Variants in TIAM1 observed in about 807,000 individuals in gnomAD.
TIAM1 encodes the protein TIAM Rac1 associated GEF 1, also known as rho guanine nucleotide exchange factor TIAM1.
A neutral mutation model predicts 163.5 loss-of-function variants in TIAM1; 65 were observed. The observed-to-expected ratio is 0.40, with a 90% CI of 0.33 to 0.49. The LOEUF is 0.49. Ranked by LOEUF, TIAM1 falls within the 20% of genes least tolerant of loss-of-function variation. The probability of loss-of-function intolerance (pLI) is 0.77; values close to 1 mark genes in which losing one functional copy is unlikely to be tolerated. For synonymous variants in TIAM1, 833 were observed against 810.1 expected (o/e 1.03, Z -0.48); for missense variants, 1,789 against 2,044.7 (o/e 0.87, Z 2.41).
intron 2 of TIAM1, among the ~76,000 whole-genome samples, chr21:31,446,649 A>C (rs1321317707): frequency 6.6e-6 from 1 of 152,140 alleles, no homozygotes; most frequent in African/African-American, 2.4e-5. Context: ...CCCTGACATA[A>C]CGATGGGAGA....
chr21:31,187,119 C>T, intron 13 of TIAM1, 32 bp from the exon 14 acceptor site: 2 of 1,594,754 alleles, frequency 1.3e-6, no homozygotes, highest in East Asian at 4.5e-5. Context: ...AATGGCAGGG[C>T]TCACACCTTC....
intron 1 of TIAM1, among the ~76,000 whole-genome samples, chr21:31,467,912 CCT>C (rs1569357401): frequency 6.6e-6 from 1 of 151,280 alleles, no homozygotes; most frequent in African/African-American, 2.4e-5. Flanking sequence ...ATGGTGAAAC[CCT>C]GTCTATGCTA....
intron 1 of TIAM1, among the ~76,000 whole-genome samples, chr21:31,491,282 C>T (rs192650822): frequency 6.6e-6 from 1 of 152,306 alleles, no homozygotes; most frequent in Admixed American, 6.5e-5. Flanking sequence ...ACCTTGGAAC[C>T]ACCATGTGAG....
Position 31,266,089 on chromosome 21 carries a change from T to G in TIAM1, c.884A>C (p.His295Pro). ...NYNTLPCRKS[H>P]CLSEGATNPQ... ...GTTGGTGGCACCTTCAGAGAGACAG[T>G]GAGATTTCCTACAGGGAAGTGTGTT... The change falls in exon 4 of 28, where the codon CAC becomes CCC. Residue 295 changes from histidine to proline, a missense_variant. Around this residue, in one of 5 missense-constraint regions of TIAM1, gnomAD observed 555 missense variants for 564.9 expected, o/e 0.98. Coordinates refer to ENST00000541036, the MANE Select transcript of TIAM1 (RefSeq NM_001353694.2). 6.2e-7 allele frequency: 1 copy of G among 1,614,220 alleles called. No homozygotes were observed. The highest frequency in any genetic ancestry group is 1.7e-5 in the Admixed American group (1 of 60,030).
intron 2 of TIAM1, among the ~76,000 whole-genome samples, chr21:31,400,266 A>G (rs1391829720): frequency 1.3e-5 from 2 of 151,972 alleles, no homozygotes; most frequent in Non-Finnish European, 2.9e-5. Context: ...AGCTGGGACT[A>G]CAGGCACCCA....
chr21:31,267,096 G>A (rs553029541), intron 3 of TIAM1, 113 bp from the exon 4 acceptor site: 7 of 1,427,424 alleles, frequency 4.9e-6, no homozygotes, highest in South Asian at 2.9e-5. Flanking sequence ...GCTCACAGGG[G>A]TTGTTAGGTA....
At chr21:31,124,416 C>T (rs533145951) in intron 27 of TIAM1, 106 bp downstream of exon 27, 3 of 1,477,158 alleles carry the variant, frequency 2.0e-6, no homozygotes, top group Admixed American at 2.4e-5. Flanking sequence ...CATCAGCCCC[C>T]ACCAGGCCAC....
intron 1 of TIAM1, among the ~76,000 whole-genome samples, chr21:31,535,580 C>G (rs770095537): frequency 2.0e-5 from 3 of 152,004 alleles, no homozygotes. Flanking sequence ...TAAAGATTTT[C>G]TAAGAGGCTG....
At chr21:31,183,508 C>T (rs1386271842) in intron 14 of TIAM1, among the ~76,000 whole-genome samples, 1 of 152,000 alleles carries the variant, frequency 6.6e-6, no homozygotes, top group Non-Finnish European at 1.5e-5. Flanking sequence ...ATGGAAAAAC[C>T]AACTTGAAAA....
intron 2 of TIAM1, among the ~76,000 whole-genome samples, chr21:31,392,570 C>CAAAA (rs61454127): frequency 2.4e-5 from 2 of 84,870 alleles, no homozygotes; most frequent in African/African-American, 4.7e-5. Context: ...AACTCTGTCT[C>CAAAA]AAAAAAAAAA....
In TIAM1 at chr21:31,154,413, A is replaced by G. The variant is rs910089823; in HGVS notation, c.3005T>C (p.Val1002Ala). ...ATGCAAACTGCGGCAAAATGCGGCC[A>G]CCTGTTCTGTACTCTTCGGAGCACA... ...TDHSSKSTEQ[V>A]AAFCRSLHEM... Residue 1002 changes from valine to alanine, a missense_variant, in exon 17 of 28, where the codon GTG becomes GCG. By Grantham distance (64) the Val-to-Ala change is moderately conservative (BLOSUM62 0). Coordinates refer to ENST00000541036, the MANE Select transcript of TIAM1 (RefSeq NM_001353694.2). The G allele has an allele frequency of 5.6e-5, 90 of 1,613,764 alleles. No homozygotes were observed. Among genetic ancestry groups the G allele is most frequent in the Non-Finnish European group, 7.5e-5 (88 of 1,179,932 alleles).
intron 2 of TIAM1, among the ~76,000 whole-genome samples, chr21:31,290,646 C>CAAAAAAA (rs200030849): frequency 3.2e-5 from 2 of 63,212 alleles, no homozygotes; most frequent in Non-Finnish European, 6.1e-5. Context: ...GACTCTATCT[C>CAAAAAAA]AAAAAAAAAA....
chr21:31,443,430 T>G (rs571576205), intron 2 of TIAM1, among the ~76,000 whole-genome samples: 2 of 152,352 alleles, frequency 1.3e-5, no homozygotes, highest in Admixed American at 1.3e-4. Context: ...CTTTTCCTTT[T>G]AAGGAAAGAT....
At chr21:31,305,027 C>T (rs1244622570) in intron 2 of TIAM1, among the ~76,000 whole-genome samples, 1 of 152,096 alleles carries the variant, frequency 6.6e-6, no homozygotes, top group African/African-American at 2.4e-5. Flanking sequence ...ACTCCTGTCT[C>T]CAATAAATAT....
At chr21:31,420,490 G>C (rs2043528770) in intron 2 of TIAM1, among the ~76,000 whole-genome samples, 1 of 152,174 alleles carries the variant, frequency 6.6e-6, no homozygotes, top group African/African-American at 2.4e-5. Context: ...AGACCCTAAA[G>C]AGTCTAAAGG....
At chr21:31,465,613 C>T (rs897156603) in intron 1 of TIAM1, among the ~76,000 whole-genome samples, 11 of 151,826 alleles carry the variant, frequency 7.2e-5, no homozygotes, top group Non-Finnish European at 1.3e-4. Context: ...CCCTGTTACC[C>T]AGGCTGGAGT....
chr21:31,518,124 G>GATC (rs1265562437), intron 1 of TIAM1, among the ~76,000 whole-genome samples: 1 of 152,140 alleles, frequency 6.6e-6, no homozygotes, highest in East Asian at 1.9e-4. Context: ...AGAGGAAAAA[G>GATC]ATCTCCCTCT....
Position 31,210,188 on chromosome 21 carries a change from C to T in TIAM1, c.2245G>A (p.Val749Ile), listed in dbSNP as rs765770455. 91 of 1,613,904 alleles carry T rather than the reference C, an allele frequency of 5.6e-5. No homozygotes were observed. In the East Asian group the frequency reaches 1.2e-3, roughly 22 times the overall value. Residue 749 changes from valine (V) to isoleucine (I), a missense_variant, in exon 11 of 28, where the codon GTT becomes ATT. Transcript: ENST00000541036. The part of the protein sequence containing the change: ...KREKEVVLPN[V>I]HQHNPDCDIW... ...TCGCAGTCAGGGTTGTGCTGGTGAACGTTAGGTAAGACCACTTCTTTCTCC... is the reference window on the plus strand; with the variant it reads ...TCGCAGTCAGGGTTGTGCTGGTGAATGTTAGGTAAGACCACTTCTTTCTCC...
chr21:31,327,217 A>G (rs973044436), intron 2 of TIAM1, among the ~76,000 whole-genome samples: 2 of 152,186 alleles, frequency 1.3e-5, no homozygotes, highest in Non-Finnish European at 2.9e-5. Flanking sequence ...AAGGTAAATG[A>G]AACACTGGGC....
Sources: allele counts gnomAD v4.1 joint callset (sites outside exome capture counted in the v4.1 genomes callset), GRCh38; gene constraint gnomAD v4.1.1; regional missense constraint gnomAD v4.1.1; transcripts MANE v1.5; gene names NCBI Gene and HGNC (gene_info 2026-07-23, HGNC 2026-07-21).